The following MAST4 variants were observed in gnomAD, a reference collection of about 807,000 sequenced individuals.
MAST4 encodes the protein microtubule-associated serine/threonine-protein kinase 4.
MAST4 carries 89 observed loss-of-function variants against 162.7 expected under a neutral mutation model. That is an observed-to-expected ratio of 0.55 (90% CI 0.46 to 0.65). The LOEUF (loss-of-function observed/expected upper bound fraction) is 0.65, where lower values mean the gene tolerates loss of function less well. MAST4 is among the 30% of genes least tolerant of loss of function. The pLI is 0.00. For missense variants in MAST4, 3,153 were observed against 3,374.0 expected (o/e 0.93, Z 1.62); for synonymous variants, 1,479 against 1,361.1 (o/e 1.09, Z -1.91).
At chr5:66,678,316 G>A (rs999911334) in intron 1 of MAST4, among the ~76,000 whole-genome samples, 8 of 152,016 alleles carry the variant, frequency 5.3e-5, no homozygotes, top group Admixed American at 3.9e-4. Flanking sequence ...GGAAGGATAA[G>A]TTCTGAAGAT....
intron 4 of MAST4, among the ~76,000 whole-genome samples, chr5:67,014,703 A>C (rs946184403): frequency 5.9e-5 from 9 of 152,236 alleles, no homozygotes; most frequent in African/African-American, 2.2e-4. Flanking sequence ...TTAAGATCAG[A>C]GACCTGCTCT....
chr5:66,919,678 A>AG (rs1328545102), intron 4 of MAST4, among the ~76,000 whole-genome samples: 1 of 151,428 alleles, frequency 6.6e-6, no homozygotes. Context: ...AAAAAAAAAA[A>AG]AGAGAAAAAG....
chr5:66,963,962 T>G lies in MAST4; in HGVS notation c.674+63980T>G, dbSNP rs948968023. The G allele has an allele frequency of 4.4e-5, 31 of 707,842 alleles. No individual in the cohort carries two copies. The African/African-American group carries it at 5.3e-4, about 12-fold the overall frequency. The allele number at this position is 707,842 out of a possible 1,614,324, so 43.8% of individuals were successfully genotyped here. A position where few individuals can be genotyped will look rare whatever the true frequency, so the allele number is the denominator to read the frequency against. ...CACTTACTCTATTTAGCATATTTACTCATATTTCACTTGGTGTCTCTTGAC... is the reference window on the plus strand; with the variant it reads ...CACTTACTCTATTTAGCATATTTACGCATATTTCACTTGGTGTCTCTTGAC... On this transcript the variant is annotated intron_variant, in intron 4 of 28. Coordinates refer to ENST00000403625, the MANE Select transcript of MAST4 (RefSeq NM_001164664.2).
intron 1 of MAST4, among the ~76,000 whole-genome samples, chr5:66,719,302 GT>G (rs941977896): frequency 6.6e-6 from 1 of 151,940 alleles, no homozygotes; most frequent in Non-Finnish European, 1.5e-5. Flanking sequence ...ATATAAACTA[GT>G]TTTTTTTCCC....
chr5:66,747,354 A>G (rs897006640), intron 1 of MAST4, among the ~76,000 whole-genome samples: 7 of 152,240 alleles, frequency 4.6e-5, no homozygotes, highest in South Asian at 2.1e-4. Context: ...TTATATTTCT[A>G]TTGAAGTTTG....
At chr5:66,929,678 A>G (rs573548157) in intron 4 of MAST4, among the ~76,000 whole-genome samples, 1 of 152,326 alleles carries the variant, frequency 6.6e-6, no homozygotes, top group South Asian at 2.1e-4. Context: ...GGCTGATGAG[A>G]TGTAAGCAGA....
intron 4 of MAST4, among the ~76,000 whole-genome samples, chr5:66,983,284 A>T (rs1475442843): frequency 6.6e-6 from 1 of 152,194 alleles, no homozygotes; most frequent in Non-Finnish European, 1.5e-5. Context: ...ACAATAGTTA[A>T]TGTCACTTAT....
chr5:66,902,289 C>G (rs1408721659), intron 4 of MAST4, among the ~76,000 whole-genome samples: 1 of 152,170 alleles, frequency 6.6e-6, no homozygotes, highest in East Asian at 1.9e-4. Flanking sequence ...GAAAAGCCCT[C>G]TATTTTGATA....
intron 1 of MAST4, among the ~76,000 whole-genome samples, chr5:66,700,824 CACAT>C (rs1259519676): frequency 6.8e-5 from 10 of 146,810 alleles, no homozygotes; most frequent in South Asian, 6.5e-4. Flanking sequence ...CACACACACA[CACAT>C]ATATACACAT....
chr5:67,075,675 T>C (rs1205525768), intron 5 of MAST4, among the ~76,000 whole-genome samples: 1 of 152,132 alleles, frequency 6.6e-6, no homozygotes, highest in African/African-American at 2.4e-5. Context: ...TGCTAGCCTA[T>C]AGGGGAAAGG....
chr5:67,167,044 C>A lies in MAST4; in HGVS notation c.7865C>A (p.Ala2622Asp). 1 of 1,581,350 alleles carries A rather than the reference C, an allele frequency of 6.3e-7. No homozygotes were observed. The highest frequency in any genetic ancestry group is 8.6e-7 in the Non-Finnish European group (1 of 1,163,322). Residue 2622 changes from alanine (A) to aspartate (D), a missense_variant, in exon 29 of 29, where the codon GCC becomes GAC. Transcript: ENST00000403625. ...TTGCGTAGCAGCCCTCACAAAAAGG[C>A]CTTGTAACGGGGAGGGCCCAGGGGC... ...ESLRSSPHKKAL is the reference protein window; with the variant it reads ...ESLRSSPHKKDL
chr5:66,680,025 A>T (rs1748224837), intron 1 of MAST4, among the ~76,000 whole-genome samples: 1 of 152,128 alleles, frequency 6.6e-6, no homozygotes, highest in African/African-American at 2.4e-5. Flanking sequence ...TTGGGTAAAG[A>T]CTGATCATGA....
intron 1 of MAST4, among the ~76,000 whole-genome samples, chr5:66,670,530 C>T (rs1400825309): frequency 6.6e-6 from 1 of 152,050 alleles, no homozygotes; most frequent in Non-Finnish European, 1.5e-5. Flanking sequence ...TAAAGTGTAC[C>T]TCAATGACAT....
intron 19 of MAST4, among the ~76,000 whole-genome samples, chr5:67,139,397 A>G (rs896530970): frequency 6.6e-6 from 1 of 152,246 alleles, no homozygotes; most frequent in Admixed American, 6.5e-5. Context: ...GTGTCAAAGC[A>G]TAACTTGCAA....
chr5:66,905,712 G>T (rs967700562), intron 4 of MAST4, among the ~76,000 whole-genome samples: 15 of 152,140 alleles, frequency 9.9e-5, no homozygotes, highest in Admixed American at 4.6e-4. Flanking sequence ...TGTAAATTAT[G>T]CATTGGTTTG....
chr5:66,897,072 A>G (rs933876416), intron 3 of MAST4, among the ~76,000 whole-genome samples: 15 of 152,238 alleles, frequency 9.9e-5, no homozygotes, highest in African/African-American at 3.4e-4. Context: ...ATCAATGAAA[A>G]TCTAGAAATT....
chr5:66,894,525 C>T (rs2149958261), intron 3 of MAST4, among the ~76,000 whole-genome samples: 1 of 152,316 alleles, frequency 6.6e-6, no homozygotes, highest in East Asian at 1.9e-4. Context: ...CTAAAAGCAC[C>T]TGATATACTG....
chr5:66,733,350 A>G (rs571383998), intron 1 of MAST4, among the ~76,000 whole-genome samples: 13 of 151,702 alleles, frequency 8.6e-5, no homozygotes, highest in African/African-American at 2.7e-4. Context: ...TTCTAATCCT[A>G]TTTTTACAAA....
At chr5:67,012,593 A>C (rs1453496176) in intron 4 of MAST4, among the ~76,000 whole-genome samples, 2 of 152,350 alleles carry the variant, frequency 1.3e-5, no homozygotes, top group East Asian at 1.9e-4. Context: ...CAAAGTGTGC[A>C]TAAAATTGTC....
Sources: gnomAD v4.1 joint callset for allele counts (sites outside exome capture counted in the v4.1 genomes callset) on GRCh38, gnomAD v4.1.1 for gene constraint, MANE v1.5 for transcripts, NCBI Gene and HGNC (gene_info 2026-07-23, HGNC 2026-07-21) for gene names.